AGBL4: variants seen among roughly 807,000 people sequenced by gnomAD.
AGBL4 encodes the protein AGBL carboxypeptidase 4.
Under a neutral mutation model 66.4 loss-of-function variants are expected in AGBL4, and 58 were observed. That is an observed-to-expected ratio of 0.87 (90% CI 0.71 to 1.09). The LOEUF is 1.09. AGBL4 is among the 50% of genes least tolerant of loss of function. The pLI, the probability that AGBL4 is intolerant of heterozygous loss-of-function variation, is 0.00. For missense variants in AGBL4, 579 were observed against 631.0 expected, an observed-to-expected ratio of 0.92 and a Z score of 0.88; for synonymous variants, 234 against 222.9, an observed-to-expected ratio of 1.05 and a Z score of -0.44.
At chr1:49,408,706 T>A (rs1327582705) in intron 3 of AGBL4, among the ~76,000 whole-genome samples, 2 of 152,210 alleles carry the variant, frequency 1.3e-5, no homozygotes, top group Admixed American at 6.5e-5. Flanking sequence ...TTTGGACTCT[T>A]GAAATTACAC....
At chr1:49,964,801 C>A (rs2148350136) in intron 1 of AGBL4, among the ~76,000 whole-genome samples, 1 of 152,116 alleles carries the variant, frequency 6.6e-6, no homozygotes, top group South Asian at 2.1e-4. Flanking sequence ...TCCAAACATT[C>A]AAAATTATTA....
At chr1:48,830,466 C>T (rs1033863390) in intron 6 of AGBL4, among the ~76,000 whole-genome samples, 1 of 152,214 alleles carries the variant, frequency 6.6e-6, no homozygotes, top group Non-Finnish European at 1.5e-5. Flanking sequence ...TATTGCCTAA[C>T]CTGTCTGTCT....
chr1:49,271,777 C>T (rs932141327), intron 3 of AGBL4, among the ~76,000 whole-genome samples: 5 of 117,976 alleles, frequency 4.2e-5, no homozygotes, highest in Non-Finnish European at 7.2e-5. Flanking sequence ...AATGACTCAG[C>T]GTCTTAATGC....
chr1:49,729,054 G>A (rs956389174), intron 2 of AGBL4, among the ~76,000 whole-genome samples: 2 of 152,076 alleles, frequency 1.3e-5, no homozygotes, highest in Non-Finnish European at 2.9e-5. Context: ...AACCGGGGAG[G>A]GCAGAGAATT....
At chr1:48,796,743 A>G (rs1645684042) in intron 6 of AGBL4, among the ~76,000 whole-genome samples, 1 of 152,206 alleles carries the variant, frequency 6.6e-6, no homozygotes, top group South Asian at 2.1e-4. Context: ...TAATTTTCTC[A>G]GCTCTGTAAC....
chr1:49,343,381 G>T (rs1437308993), intron 3 of AGBL4, among the ~76,000 whole-genome samples: 1 of 152,116 alleles, frequency 6.6e-6, no homozygotes, highest in Non-Finnish European at 1.5e-5. Flanking sequence ...CATTATGAGA[G>T]AGCAAAAAGC....
At chr1:49,867,220 T>C (rs1646723577) in intron 1 of AGBL4, among the ~76,000 whole-genome samples, 1 of 152,014 alleles carries the variant, frequency 6.6e-6, no homozygotes, top group Admixed American at 6.6e-5. Flanking sequence ...CTTTTACCTG[T>C]GGCTCGTCCT....
At chr1:49,362,750 C>T (rs1199154897) in intron 3 of AGBL4, among the ~76,000 whole-genome samples, 1 of 152,126 alleles carries the variant, frequency 6.6e-6, no homozygotes, top group Non-Finnish European at 1.5e-5. Flanking sequence ...AGGTCAATCT[C>T]CATTTGCAGG....
intron 6 of AGBL4, among the ~76,000 whole-genome samples, chr1:48,770,788 C>T (rs1248281788): frequency 6.6e-6 from 1 of 152,192 alleles, no homozygotes; most frequent in Admixed American, 6.5e-5. Flanking sequence ...CACATTATTA[C>T]AACCAGTCAG....
intron 1 of AGBL4, among the ~76,000 whole-genome samples, chr1:49,878,065 T>C (rs1647078346): frequency 6.6e-6 from 1 of 151,716 alleles, no homozygotes; most frequent in Non-Finnish European, 1.5e-5. Flanking sequence ...TCTTTATTAG[T>C]CTTGCTAGCG....
At chr1:49,312,416 A>G (rs998954287) in intron 3 of AGBL4, among the ~76,000 whole-genome samples, 1 of 152,108 alleles carries the variant, frequency 6.6e-6, no homozygotes, top group African/African-American at 2.4e-5. Flanking sequence ...TCTGTTTTTT[A>G]TAAATTACCC....
At chr1:48,996,893 C>A (rs1557541110) in intron 5 of AGBL4, among the ~76,000 whole-genome samples, 1 of 144,686 alleles carries the variant, frequency 6.9e-6, no homozygotes, top group East Asian at 2.1e-4. Context: ...AATATTATTG[C>A]TAATTTGTTT....
chr1:48,883,026 C>CTT (rs911002960), intron 5 of AGBL4, among the ~76,000 whole-genome samples: 1 of 152,126 alleles, frequency 6.6e-6, no homozygotes, highest in Non-Finnish European at 1.5e-5. Context: ...CTGATGGACA[C>CTT]TTAGGTTGAT....
intron 3 of AGBL4, among the ~76,000 whole-genome samples, chr1:49,327,638 A>G (rs1645252275): frequency 1.3e-5 from 2 of 152,236 alleles, no homozygotes; most frequent in Non-Finnish European, 2.9e-5. Context: ...AAAGCAAGGT[A>G]GTGCTCCCTT....
At chr1:49,888,525 T>C (rs1648301074) in intron 1 of AGBL4, among the ~76,000 whole-genome samples, 1 of 152,174 alleles carries the variant, frequency 6.6e-6, no homozygotes, top group Non-Finnish European at 1.5e-5. Flanking sequence ...ACAGAGTAGC[T>C]ATTCCTAATA....
chr1:49,382,371 T>C (rs1163365857), intron 3 of AGBL4, among the ~76,000 whole-genome samples: 1 of 151,972 alleles, frequency 6.6e-6, no homozygotes, highest in Non-Finnish European at 1.5e-5. Flanking sequence ...AAGCAATCAG[T>C]ATAATACACC....
At chr1:49,035,937 T>G (rs1664613625) in intron 5 of AGBL4, among the ~76,000 whole-genome samples, 1 of 152,004 alleles carries the variant, frequency 6.6e-6, no homozygotes, top group Admixed American at 6.6e-5. Flanking sequence ...GATATAAAGA[T>G]GGCAACAATA....
chr1:49,356,156 A>G (rs993610501), intron 3 of AGBL4, among the ~76,000 whole-genome samples: 3 of 152,278 alleles, frequency 2.0e-5, no homozygotes, highest in Non-Finnish European at 1.5e-5. Flanking sequence ...TACTCCCCCA[A>G]AATTAGGATC....
chr1:49,432,092 CT>C (rs1042310850), intron 3 of AGBL4, among the ~76,000 whole-genome samples: 7 of 152,092 alleles, frequency 4.6e-5, no homozygotes, highest in African/African-American at 1.4e-4. Context: ...TCTGAAGGAA[CT>C]CCATAACCCT....
Sources: allele counts gnomAD v4.1 joint callset (sites outside exome capture counted in the v4.1 genomes callset), GRCh38; gene constraint gnomAD v4.1.1; transcripts MANE v1.5; gene names NCBI Gene and HGNC (gene_info 2026-07-23, HGNC 2026-07-21).